The following CFAP299 variants were observed in gnomAD, a reference collection of about 807,000 sequenced individuals.
CFAP299 encodes cilia- and flagella-associated protein 299.
A neutral mutation model predicts 27.0 loss-of-function variants in CFAP299; 21 were observed. That is an observed-to-expected ratio of 0.78 (90% confidence interval 0.55 to 1.12). The LOEUF (loss-of-function observed/expected upper bound fraction) is 1.12, where lower values mean the gene tolerates loss of function less well. CFAP299 is among the 50% of genes most tolerant of loss of function. The pLI, the probability that CFAP299 is intolerant of heterozygous loss-of-function variation, is 0.00. For missense variants in CFAP299, 310 were observed against 276.6 expected (o/e 1.12, Z -0.86); for synonymous variants, 104 against 98.1 (o/e 1.06, Z -0.36).
intron 2 of CFAP299, among the ~76,000 whole-genome samples, chr4:80,416,404 G>A (rs1727007176): frequency 2.6e-5 from 4 of 151,940 alleles, no homozygotes; most frequent in African/African-American, 9.7e-5. Flanking sequence ...TCTCCTCAAA[G>A]GTTTATAATT....
intron 3 of CFAP299, among the ~76,000 whole-genome samples, chr4:80,820,309 C>T (rs1000911321): frequency 1.3e-5 from 2 of 151,914 alleles, no homozygotes; most frequent in Admixed American, 6.6e-5. Context: ...CTATTCCAGG[C>T]ACAAGGATAC....
At chr4:80,339,292 G>T (rs1268134648) in intron 1 of CFAP299, among the ~76,000 whole-genome samples, 1 of 152,100 alleles carries the variant, frequency 6.6e-6, no homozygotes, top group African/African-American at 2.4e-5. Flanking sequence ...CATTAATTTT[G>T]CCCGTATCTT....
At chr4:80,924,973 C>A (rs534703526) in intron 4 of CFAP299, among the ~76,000 whole-genome samples, 1 of 151,746 alleles carries the variant, frequency 6.6e-6, no homozygotes, top group Non-Finnish European at 1.5e-5. Flanking sequence ...TATAGAAGAG[C>A]TTTATATTTC....
At chr4:80,944,758 T>C (rs972085615) in intron 4 of CFAP299, 52 bp from the exon 5 acceptor site, 3 of 1,355,268 alleles carry the variant, frequency 2.2e-6, no homozygotes, top group Non-Finnish European at 3.1e-6. Context: ...ACTATATTTG[T>C]CAATTTAATG....
intron 2 of CFAP299, among the ~76,000 whole-genome samples, chr4:80,417,322 C>T (rs1048392851): frequency 1.3e-5 from 2 of 152,046 alleles, no homozygotes; most frequent in Non-Finnish European, 2.9e-5. Flanking sequence ...TATCAGAAGG[C>T]CTTTATGACC....
In CFAP299 at chr4:80,677,611, T is replaced by C. The variant is rs527965839; in HGVS notation, c.333+94428T>C. 5.3e-5 allele frequency among the ~76,000 whole-genome samples: 8 copies of C among 152,180 alleles called. No homozygotes were observed. In the East Asian group the frequency reaches 1.5e-3, roughly 29 times the overall value. ...ATATCATTATGATACAATAATATCATAAAAACTTCAAGAATTGGCATTGAC... is the reference window on the plus strand; with the variant it reads ...ATATCATTATGATACAATAATATCACAAAAACTTCAAGAATTGGCATTGAC... On this transcript the variant is annotated intron_variant, in intron 3 of 5. Coordinates refer to ENST00000358105, the MANE Select transcript of CFAP299 (RefSeq NM_152770.3).
At position 80,542,864 on chromosome 4, in the gene CFAP299, C is replaced by T. The variant is rs571519975; in HGVS notation, c.243-40229C>T. 2.7e-4 allele frequency among the ~76,000 whole-genome samples: 41 copies of T among 152,126 alleles called. 1 individual carries two copies. The South Asian group carries it at 8.5e-3, about 32-fold the overall frequency. ...TTGGAGCATATTTGCCTATGGTGCCCCTGATGCCCCACCAGAGTGCTTCTC... is the reference window on the plus strand; with the variant it reads ...TTGGAGCATATTTGCCTATGGTGCCTCTGATGCCCCACCAGAGTGCTTCTC... On this transcript the variant is annotated intron_variant, in intron 2 of 5. Transcript: ENST00000358105.
chr4:80,787,920 T>G (rs1338247200), intron 3 of CFAP299, among the ~76,000 whole-genome samples: 2 of 151,930 alleles, frequency 1.3e-5, no homozygotes, highest in East Asian at 3.9e-4. Context: ...CTTTCATATC[T>G]GTGAGATAAG....
intron 3 of CFAP299, among the ~76,000 whole-genome samples, chr4:80,738,829 G>A (rs979450493): frequency 2.0e-5 from 3 of 151,172 alleles, no homozygotes; most frequent in Non-Finnish European, 4.4e-5. Flanking sequence ...CTTTCTTCCT[G>A]GTATTCCTTT....
At chr4:80,666,969 A>G (rs140545304) in intron 3 of CFAP299, among the ~76,000 whole-genome samples, 111 of 152,276 alleles carry the variant, frequency 7.3e-4, no homozygotes, top group African/African-American at 2.5e-3. Context: ...TCCAAACTTG[A>G]TGCTTTTGTT....
At chr4:80,716,031 AAACT>A (rs1393883899) in intron 3 of CFAP299, among the ~76,000 whole-genome samples, 2 of 152,072 alleles carry the variant, frequency 1.3e-5, no homozygotes, top group Non-Finnish European at 2.9e-5. Context: ...AAAATCCTTC[AAACT>A]AACTAGGATA....
chr4:80,951,691 G>T (rs1008834563), intron 5 of CFAP299, among the ~76,000 whole-genome samples: 5 of 152,084 alleles, frequency 3.3e-5, no homozygotes, highest in Non-Finnish European at 7.4e-5. Flanking sequence ...GCCTCTTCAG[G>T]TAACCCTAAA....
At chr4:80,370,793 G>A (rs904569714) in intron 2 of CFAP299, among the ~76,000 whole-genome samples, 6 of 152,234 alleles carry the variant, frequency 3.9e-5, no homozygotes, top group East Asian at 1.9e-4. Context: ...ATGTGCTGGC[G>A]TTGAGTGCCT....
intron 3 of CFAP299, among the ~76,000 whole-genome samples, chr4:80,726,748 C>T (rs1723187775): frequency 6.6e-6 from 1 of 152,102 alleles, no homozygotes; most frequent in Admixed American, 6.5e-5. Flanking sequence ...TTCTACTCAC[C>T]AGTGGTGGAA....
In CFAP299 at chr4:80,470,033, C is replaced by G. The variant is rs533315712; in HGVS notation, c.242+107149C>G. ...GTCTCCATTTGCGCTGAAGGAATGT[C>G]TTTGTGTCCTCTCTGTGGTCATCAG... is the stretch of plus-strand genomic sequence containing the variant. On this transcript the variant is annotated intron_variant, in intron 2 of 5. Coordinates refer to ENST00000358105, the MANE Select transcript of CFAP299 (RefSeq NM_152770.3). Among the ~76,000 whole-genome samples, 49 of 152,188 alleles carry G rather than the reference C, an allele frequency of 3.2e-4. 3 individuals carry two copies. In the South Asian group the frequency reaches 1.0e-2, roughly 31 times the overall value.
intron 2 of CFAP299, chr4:80,420,324 G>T (rs745374130): frequency 9.4e-6 from 4 of 423,494 alleles, no homozygotes; most frequent in African/African-American, 2.0e-5. Flanking sequence ...CCCACAAAAG[G>T]CAAGTTTGCA....
chr4:80,551,467 A>T (rs1734508269), intron 2 of CFAP299, among the ~76,000 whole-genome samples: 1 of 152,190 alleles, frequency 6.6e-6, no homozygotes, highest in Admixed American at 6.6e-5. Flanking sequence ...TGAGAGAAAG[A>T]TATTTAGACG....
At chr4:80,734,352 A>G (rs1723731012) in intron 3 of CFAP299, among the ~76,000 whole-genome samples, 1 of 152,092 alleles carries the variant, frequency 6.6e-6, no homozygotes, top group African/African-American at 2.4e-5. Flanking sequence ...AGCTCCTTCT[A>G]TATTCGGTTA....
At chr4:80,329,209 A>ATATATACATATATATG in the CFAP299 span, among the ~76,000 whole-genome samples, 1 of 620 alleles carries the variant, frequency 1.6e-3, no homozygotes, top group Admixed American at 0.17. Flanking sequence ...CACTGTATAC[A>ATATATACATATATATG]TATATATATA....
Sources: allele counts gnomAD v4.1 joint callset (sites outside exome capture counted in the v4.1 genomes callset), GRCh38; gene constraint gnomAD v4.1.1; transcripts MANE v1.5; gene names NCBI Gene and HGNC (gene_info 2026-07-23, HGNC 2026-07-21).